Variants in SNX31 observed in about 807,000 individuals in gnomAD.
SNX31 encodes the protein sorting nexin-31.
In SNX31, 58 loss-of-function variants were observed where a neutral mutation model predicts 65.4. The observed-to-expected ratio is 0.89, with a 90% CI of 0.72 to 1.10. The LOEUF (loss-of-function observed/expected upper bound fraction) is 1.10. SNX31 is among the 50% of genes least tolerant of loss of function. The probability of loss-of-function intolerance (pLI) is 0.00; values close to 1 mark genes in which losing one functional copy is unlikely to be tolerated. For missense variants in SNX31, 523 were observed against 529.7 expected, an observed-to-expected ratio of 0.99 and a Z score of 0.12; for synonymous variants, 181 against 190.1, an observed-to-expected ratio of 0.95 and a Z score of 0.39.
At chr8:100,641,725 T>G (rs1214966170) in intron 2 of SNX31, among the ~76,000 whole-genome samples, 1 of 145,348 alleles carries the variant, frequency 6.9e-6, no homozygotes, top group African/African-American at 2.5e-5. Context: ...TAATTTTTTT[T>G]TTTTTTTGAG....
At chr8:100,656,914 T>C (rs1456325557) in intron 1 of SNX31, among the ~76,000 whole-genome samples, 2 of 152,186 alleles carry the variant, frequency 1.3e-5, no homozygotes. Context: ...GATGTGACCC[T>C]GCTCTGTCCC....
At chr8:100,601,147 A>C (rs975737839) in intron 8 of SNX31, among the ~76,000 whole-genome samples, 2 of 152,216 alleles carry the variant, frequency 1.3e-5, no homozygotes, top group Admixed American at 6.5e-5. Context: ...TGGCAAACAC[A>C]TGTACAGTGC....
At chr8:100,611,950 C>T (rs1563547640) in intron 7 of SNX31, 50 bp downstream of exon 7, 1 of 1,397,396 alleles carries the variant, frequency 7.2e-7, no homozygotes, top group Non-Finnish European at 1.0e-6. Flanking sequence ...TCCTGATGGG[C>T]AATGGCGAAG....
At position 100,578,033 on chromosome 8, in the gene SNX31, T is replaced by A. The variant is rs181449202; in HGVS notation, c.1171-958A>T. The stretch of plus-strand genomic sequence containing the variant: ...AATCACAAAAAAACACTCAGTGTTT[T>A]AAGAAAGTTTATGAATTTGCATTAG... On this transcript the variant is annotated intron_variant, in intron 12 of 13. Coordinates refer to ENST00000311812, the MANE Select transcript of SNX31 (RefSeq NM_152628.4). The surrounding 1 kb of genome is among the most constrained non-coding windows in gnomAD (Gnocchi z 4.7). 3.3e-5 allele frequency among the ~76,000 whole-genome samples: 5 copies of A among 152,348 alleles called. No individual in the cohort carries two copies. The East Asian group carries it at 7.7e-4, about 23-fold the overall frequency.
At position 100,612,931 on chromosome 8, in the gene SNX31, T is replaced by A. The variant is rs1816843106; in HGVS notation, c.523+64A>T. 2.1e-6 allele frequency: 3 copies of A among 1,410,028 alleles called. No homozygotes were observed. The highest frequency in any genetic ancestry group is 1.1e-5 in the South Asian group (1 of 87,104). 87.3% of individuals were successfully genotyped at this position (1,410,028 alleles called of 1,614,324 possible). A position where few individuals can be genotyped will look rare whatever the true frequency, so the allele number is the denominator to read the frequency against. Reference sequence around the variant, plus strand: ...GCCAGCCCCTCAGCTGTGACTCCTATGAGCCCCTGCTCACACCTGTCCACC... The same window carrying A: ...GCCAGCCCCTCAGCTGTGACTCCTAAGAGCCCCTGCTCACACCTGTCCACC... On this transcript the variant is annotated intron_variant, in intron 6 of 13. Transcript: ENST00000311812. This position sits in a 1 kb window ranked among gnomAD's most constrained non-coding sequence, Gnocchi z 4.3.
intron 1 of SNX31, among the ~76,000 whole-genome samples, chr8:100,659,189 T>C (rs186296049): frequency 9.9e-5 from 15 of 151,754 alleles, no homozygotes; most frequent in African/African-American, 3.6e-4. Flanking sequence ...CTACTAAAAA[T>C]ATAAAAATTA....
At chr8:100,600,028 T>C (rs556557363) in intron 9 of SNX31, among the ~76,000 whole-genome samples, 1 of 152,230 alleles carries the variant, frequency 6.6e-6, no homozygotes, top group African/African-American at 2.4e-5. Flanking sequence ...TGACTTCCAA[T>C]AATAGAAAAG....
At chr8:100,656,043 T>C (rs2131313646) in intron 1 of SNX31, among the ~76,000 whole-genome samples, 1 of 152,296 alleles carries the variant, frequency 6.6e-6, no homozygotes. Flanking sequence ...TCTTGGATGT[T>C]CACAAAGTGC....
chr8:100,650,850 GT>G (rs58797178), upstream of SNX31, among the ~76,000 whole-genome samples: 98 of 136,948 alleles, frequency 7.2e-4, no homozygotes, highest in Admixed American at 1.6e-3. Context: ...GTGTTTTTTT[GT>G]TTTTTTTTTT....
chr8:100,628,448 G>C (rs1818190687), intron 4 of SNX31, among the ~76,000 whole-genome samples: 1 of 152,130 alleles, frequency 6.6e-6, no homozygotes, highest in African/African-American at 2.4e-5. Context: ...TAGGGACATG[G>C]ATGAAGCTGG....
At chr8:100,642,764 T>C (rs955539988) in intron 2 of SNX31, among the ~76,000 whole-genome samples, 3 of 152,246 alleles carry the variant, frequency 2.0e-5, no homozygotes, top group Admixed American at 1.3e-4. Flanking sequence ...CAGCCCTACC[T>C]GTCTTTCAAA....
Position 100,596,667 on chromosome 8 carries a change from C to T in SNX31, c.950G>A (p.Arg317Lys). ...QTQDIVFQMS[R>K]VKCWQVTFLG... ...GAAAGTGACCTGCCAGCACTTCACC[C>T]TGCTCATCTGGAAAACGATGTCCTG... The change falls in exon 10 of 14, where the codon AGG (arginine) becomes AAG (lysine). Residue 317 changes from arginine to lysine, a missense_variant. Arg to Lys is a conservative substitution (Grantham distance 26). Transcript: ENST00000311812. 4 of 1,614,184 alleles carry T rather than the reference C, an allele frequency of 2.5e-6. No individual in the cohort carries two copies. The highest frequency in any genetic ancestry group is 3.4e-6 in the Non-Finnish European group (4 of 1,180,034).
At chr8:100,645,420 A>C (rs989503985) in intron 2 of SNX31, among the ~76,000 whole-genome samples, 4 of 152,164 alleles carry the variant, frequency 2.6e-5, no homozygotes, top group Non-Finnish European at 4.4e-5. Context: ...GAGGTCACCC[A>C]AACTTTCAGC....
chr8:100,638,664 G>C (rs1447437389), intron 2 of SNX31, among the ~76,000 whole-genome samples: 1 of 152,198 alleles, frequency 6.6e-6, no homozygotes, highest in African/African-American at 2.4e-5. Flanking sequence ...TTGAAAGACA[G>C]TTTGGCAATT....
chr8:100,649,661 C>T lies in SNX31; in HGVS notation c.-147G>A, dbSNP rs1819899287. The stretch of plus-strand genomic sequence containing the variant: ...GGCGCCCGCTCTCGCCGGCCGGGGA[C>T]ATCTACAGGTGGGGCCGGGGCCGGG... On this transcript the variant is annotated 5_prime_UTR_variant, in exon 1 of 14. An upstream start codon of the reference 5' UTR is lost. Transcript: ENST00000311812. 14 of 714,550 alleles carry T rather than the reference C, an allele frequency of 2.0e-5. No homozygotes were observed. The South Asian group carries it at 2.9e-4, about 15-fold the overall frequency. The allele number at this position is 714,550 out of a possible 1,614,324, so 44.3% of individuals were successfully genotyped here.
At chr8:100,661,160 C>A (rs1206510403) in intron 1 of SNX31, among the ~76,000 whole-genome samples, 2 of 152,142 alleles carry the variant, frequency 1.3e-5, no homozygotes, top group African/African-American at 4.8e-5. Context: ...CATGTGCCAC[C>A]ATGCCCAGCT....
intron 8 of SNX31, among the ~76,000 whole-genome samples, chr8:100,607,148 G>A (rs1215244646): frequency 6.6e-6 from 1 of 152,222 alleles, no homozygotes; most frequent in Non-Finnish European, 1.5e-5. Flanking sequence ...AGTCTGGGAG[G>A]GGGTGGAGCA....
Position 100,612,244 on chromosome 8 carries a change from T to C in SNX31, c.524-157A>G, listed in dbSNP as rs928184102. Among the ~76,000 whole-genome samples the C allele has an allele frequency of 3.9e-5, 6 of 152,094 alleles. No individual in the cohort carries two copies. The East Asian group carries it at 7.7e-4, about 20-fold the overall frequency. On this transcript the variant is annotated intron_variant, in intron 6 of 13. Coordinates refer to ENST00000311812, the MANE Select transcript of SNX31 (RefSeq NM_152628.4). This position sits in a 1 kb window ranked among gnomAD's most constrained non-coding sequence, Gnocchi z 4.3. The stretch of plus-strand genomic sequence containing the variant: ...TACACGTAATTTTAACTTTCTGAAG[T>C]TCATTCAAAAAATAAATATCATTTG...
chr8:100,623,031 T>C (rs1817808711), intron 4 of SNX31, among the ~76,000 whole-genome samples: 1 of 152,264 alleles, frequency 6.6e-6, no homozygotes. Flanking sequence ...TTCACATTGC[T>C]ATAAAGAAAT....
Sources: gnomAD v4.1 joint callset for allele counts (sites outside exome capture counted in the v4.1 genomes callset) on GRCh38, gnomAD v4.1.1 for gene constraint, Gnocchi (gnomAD v3.1) non-coding constraint, MANE v1.5 for transcripts, NCBI Gene and HGNC (gene_info 2026-07-23, HGNC 2026-07-21) for gene names.